Variants in DPP10 observed in about 807,000 individuals in gnomAD.
The protein encoded by DPP10 is dipeptidyl peptidase like 10, also known as inactive dipeptidyl peptidase 10.
Under a neutral mutation model 120.9 loss-of-function variants are expected in DPP10, and 33 were observed. The observed-to-expected ratio is 0.27, with a 90% CI of 0.21 to 0.37. The LOEUF is 0.37. Among genes scored for constraint, DPP10 ranks in the 10% least tolerant of loss-of-function variants. The pLI is 1.00. For missense variants in DPP10, 816 were observed against 942.8 expected, an observed-to-expected ratio of 0.87 and a Z score of 1.76; for synonymous variants, 337 against 326.1, an observed-to-expected ratio of 1.03 and a Z score of -0.36.
At chr2:115,121,755 T>C (rs751401192) in intron 1 of DPP10, among the ~76,000 whole-genome samples, 2 of 152,176 alleles carry the variant, frequency 1.3e-5, no homozygotes, top group Non-Finnish European at 2.9e-5. Context: ...TCCCTCCTGT[T>C]TGTGCATTTC....
intron 19 of DPP10, among the ~76,000 whole-genome samples, chr2:115,798,069 T>C (rs1684745735): frequency 6.6e-6 from 1 of 151,916 alleles, no homozygotes; most frequent in South Asian, 2.1e-4. Context: ...ATGAATGATA[T>C]AATATGGTTT....
chr2:115,300,982 G>A (rs1397941597), intron 1 of DPP10, among the ~76,000 whole-genome samples: 1 of 152,036 alleles, frequency 6.6e-6, no homozygotes, highest in Non-Finnish European at 1.5e-5. Flanking sequence ...GGAGGAAGAT[G>A]TTCTCTAAAT....
At chr2:115,165,065 G>A (rs1233117065) in intron 1 of DPP10, among the ~76,000 whole-genome samples, 1 of 152,116 alleles carries the variant, frequency 6.6e-6, no homozygotes, top group Admixed American at 6.5e-5. Context: ...TTCTTAACAT[G>A]ATCAATATCT....
chr2:114,649,160 G>A (rs1461930857), intron 1 of DPP10, among the ~76,000 whole-genome samples: 1 of 152,116 alleles, frequency 6.6e-6, no homozygotes, highest in South Asian at 2.1e-4. Flanking sequence ...AAAAACTGTG[G>A]TACTTGTTAT....
intron 1 of DPP10, among the ~76,000 whole-genome samples, chr2:115,050,975 CA>C (rs1705433831): frequency 6.6e-6 from 1 of 152,102 alleles, no homozygotes; most frequent in Non-Finnish European, 1.5e-5. Context: ...AGTCACTAAA[CA>C]AACAATCACC....
At chr2:114,511,199 AC>A (rs1684119771) in intron 1 of DPP10, among the ~76,000 whole-genome samples, 2 of 152,270 alleles carry the variant, frequency 1.3e-5, no homozygotes, top group African/African-American at 4.8e-5. Flanking sequence ...AAAGCATACT[AC>A]TTTACACTCT....
At chr2:115,409,082 A>C (rs1403457686) in intron 3 of DPP10, among the ~76,000 whole-genome samples, 4 of 152,134 alleles carry the variant, frequency 2.6e-5, no homozygotes, top group Non-Finnish European at 2.9e-5. Flanking sequence ...AGATTGACCA[A>C]GAAATAATGA....
intron 1 of DPP10, among the ~76,000 whole-genome samples, chr2:114,987,574 C>T (rs1700479424): frequency 6.6e-6 from 1 of 152,010 alleles, no homozygotes; most frequent in African/African-American, 2.4e-5. Flanking sequence ...CAGAATGTCA[C>T]CCATCCTAAT....
intron 1 of DPP10, among the ~76,000 whole-genome samples, chr2:115,158,982 T>A (rs1184458733): frequency 7.2e-6 from 1 of 138,012 alleles, no homozygotes; most frequent in Non-Finnish European, 1.5e-5. Flanking sequence ...ATCTATTGAG[T>A]TTTTTTTTTT....
chr2:114,485,581 G>T (rs1681442662), intron 1 of DPP10, among the ~76,000 whole-genome samples: 1 of 150,884 alleles, frequency 6.6e-6, no homozygotes, highest in African/African-American at 2.5e-5. Flanking sequence ...CACTAGTGTT[G>T]CACTAGTGTT....
chr2:114,457,954 T>C (rs1678672907), intron 1 of DPP10, among the ~76,000 whole-genome samples: 2 of 152,184 alleles, frequency 1.3e-5, no homozygotes, highest in African/African-American at 2.4e-5. Context: ...CAGACCAGTG[T>C]TAACCCAGAA....
chr2:115,232,551 G>A (rs1292324955), intron 1 of DPP10, among the ~76,000 whole-genome samples: 1 of 152,090 alleles, frequency 6.6e-6, no homozygotes, highest in Non-Finnish European at 1.5e-5. Flanking sequence ...CCCTTGCTGT[G>A]TGCTTTCTTA....
At chr2:114,625,773 A>G (rs922249068) in intron 1 of DPP10, among the ~76,000 whole-genome samples, 4 of 152,060 alleles carry the variant, frequency 2.6e-5, no homozygotes, top group African/African-American at 9.6e-5. Context: ...AGGCTCTTGA[A>G]TACTTTTGGG....
At chr2:114,474,214 C>A (rs971431020) in intron 1 of DPP10, among the ~76,000 whole-genome samples, 3 of 152,186 alleles carry the variant, frequency 2.0e-5, no homozygotes, top group African/African-American at 7.2e-5. Flanking sequence ...CCTTGGCCTC[C>A]CAAAGTGCTG....
At chr2:115,538,032 C>A (rs2148951010) in intron 5 of DPP10, among the ~76,000 whole-genome samples, 1 of 152,108 alleles carries the variant, frequency 6.6e-6, no homozygotes, top group Non-Finnish European at 1.5e-5. Context: ...GCAGAGTCTG[C>A]AACACTGTAG....
At chr2:115,102,016 G>A (rs2048712710) in intron 1 of DPP10, among the ~76,000 whole-genome samples, 1 of 152,250 alleles carries the variant, frequency 6.6e-6, no homozygotes, top group African/African-American at 2.4e-5. Context: ...TAAACGTACA[G>A]TGGGAAGTAT....
intron 1 of DPP10, among the ~76,000 whole-genome samples, chr2:114,683,732 T>C (rs1699184337): frequency 6.6e-6 from 1 of 151,900 alleles, no homozygotes; most frequent in East Asian, 1.9e-4. Context: ...TTGAGGACAG[T>C]GCAGCTCAGC....
intron 1 of DPP10, among the ~76,000 whole-genome samples, chr2:115,235,498 T>A (rs116065105): frequency 4.6e-5 from 7 of 152,314 alleles, no homozygotes; most frequent in Non-Finnish European, 7.4e-5. Flanking sequence ...AAGGTTGTGA[T>A]GGCATTTCTG....
intron 1 of DPP10, among the ~76,000 whole-genome samples, chr2:114,956,535 C>T (rs1227111022): frequency 1.3e-5 from 2 of 152,072 alleles, no homozygotes; most frequent in Non-Finnish European, 2.9e-5. Context: ...AAGTGATCTA[C>T]ACATTCAATG....
Sources: allele counts gnomAD v4.1 joint callset (sites outside exome capture counted in the v4.1 genomes callset), GRCh38; gene constraint gnomAD v4.1.1; transcripts MANE v1.5; gene names NCBI Gene and HGNC (gene_info 2026-07-23, HGNC 2026-07-21).